Variants in YEATS2 observed in about 807,000 individuals in gnomAD.
The protein encoded by YEATS2 is YEATS domain containing 2.
In YEATS2, 77 loss-of-function variants were observed where a neutral mutation model predicts 163.2. That is an observed-to-expected ratio of 0.47 (90% confidence interval 0.39 to 0.57). The LOEUF (loss-of-function observed/expected upper bound fraction) is 0.57. YEATS2 is among the 20% of genes least tolerant of loss of function. The pLI is 0.00. For missense variants in YEATS2, 1,549 were observed against 1,729.8 expected (o/e 0.90, Z 1.85); for synonymous variants, 631 against 645.1 (o/e 0.98, Z 0.33).
At chr3:183,761,706 T>C in intron 14 of YEATS2, 92 bp downstream of exon 14, 1 of 1,196,788 alleles carries the variant, frequency 8.4e-7, no homozygotes, top group Non-Finnish European at 1.2e-6. Flanking sequence ...CATGTTACTT[T>C]TTAGTGGGTC....
chr3:183,730,434 T>C (rs995222503), intron 7 of YEATS2, among the ~76,000 whole-genome samples: 3 of 152,202 alleles, frequency 2.0e-5, no homozygotes, highest in Non-Finnish European at 4.4e-5. Flanking sequence ...TATTCTCTGC[T>C]CTGTTCAGAG....
At chr3:183,789,283 T>A (rs1320310361) in intron 20 of YEATS2, among the ~76,000 whole-genome samples, 1 of 152,142 alleles carries the variant, frequency 6.6e-6, no homozygotes, top group Non-Finnish European at 1.5e-5. Context: ...CTTTAATCCA[T>A]TTTGATTGCA....
At chr3:183,780,484 G>A (rs772000178) in intron 19 of YEATS2, among the ~76,000 whole-genome samples, 1 of 152,192 alleles carries the variant, frequency 6.6e-6, no homozygotes, top group Non-Finnish European at 1.5e-5. Context: ...TTTCGTAGTT[G>A]CTTGTCCACT....
chr3:183,761,629 G>A lies in YEATS2; in HGVS notation c.1764+15G>A. 6.2e-7 allele frequency: 1 copy of A among 1,606,548 alleles called. No individual in the cohort carries two copies. Among genetic ancestry groups the A allele is most frequent in the Non-Finnish European group, 8.5e-7 (1 of 1,173,168 alleles). On this transcript the variant is annotated intron_variant, in intron 14 of 30. Coordinates refer to ENST00000305135, the MANE Select transcript of YEATS2 (RefSeq NM_018023.5). The stretch of plus-strand genomic sequence containing the variant: ...CTTTCACAAAAGTGAGTATGTATTA[G>A]GGCATTGTCCCACAAGTCATAATAC...
At chr3:183,779,445 G>C (rs1459140417) in intron 19 of YEATS2, among the ~76,000 whole-genome samples, 1 of 152,180 alleles carries the variant, frequency 6.6e-6, no homozygotes, top group Non-Finnish European at 1.5e-5. Context: ...CAGTGCACAG[G>C]TGAGACAGTT....
At position 183,777,969 on chromosome 3, in the gene YEATS2, AGGTGCAGTGGT is replaced by A. The variant is rs1723164301; in HGVS notation, c.2736+271_2736+281del. On this transcript the variant is annotated intron_variant, in intron 19 of 30. Transcript: ENST00000305135. Reference sequence around the variant, plus strand: ...TCTACTAAAAATACAAAAATTAGCCAGGTGCAGTGGTGCGTGCCTATAGTCCCAGCTACTCG... The same window carrying A: ...TCTACTAAAAATACAAAAATTAGCCAGCGTGCCTATAGTCCCAGCTACTCG... 2.0e-5 allele frequency among the ~76,000 whole-genome samples: 3 copies of A among 152,092 alleles called. No homozygotes were observed. In the South Asian group the frequency reaches 6.2e-4, roughly 32 times the overall value.
chr3:183,791,642 G>A (rs973274857), intron 21 of YEATS2, among the ~76,000 whole-genome samples: 1 of 151,994 alleles, frequency 6.6e-6, no homozygotes, highest in East Asian at 1.9e-4. Context: ...AATCAGTGTC[G>A]AATAGAATTC....
chr3:183,767,816 AG>A (rs1722061781), intron 15 of YEATS2, among the ~76,000 whole-genome samples: 2 of 152,114 alleles, frequency 1.3e-5, no homozygotes, highest in Admixed American at 6.6e-5. Context: ...CACGCCCGGC[AG>A]GATACCAGGT....
At chr3:183,799,140 C>A in intron 23 of YEATS2, 151 bp downstream of exon 23, 1 of 675,106 alleles carries the variant, frequency 1.5e-6, no homozygotes, top group South Asian at 1.7e-5. Flanking sequence ...AGTCACTTGG[C>A]AAATATGTCC....
In YEATS2 at chr3:183,810,437, G is replaced by A. The variant is rs1384701197; in HGVS notation, c.4161-38G>A. The A allele has an allele frequency of 2.6e-6, 4 of 1,560,360 alleles. No individual in the cohort carries two copies. The East Asian group carries it at 9.0e-5, about 35-fold the overall frequency. ...AATAAATGATGAGATATACGTGAGAGAATTTCACCTGGTAACACCCTTTGT... is the reference window on the plus strand; with the variant it reads ...AATAAATGATGAGATATACGTGAGAAAATTTCACCTGGTAACACCCTTTGT... On this transcript the variant is annotated intron_variant, in intron 30 of 30. Transcript: ENST00000305135.
At chr3:183,810,449 G>T in intron 30 of YEATS2, 26 bp from the exon 31 acceptor site, 2 of 1,589,124 alleles carry the variant, frequency 1.3e-6, no homozygotes, top group Non-Finnish European at 1.7e-6. Flanking sequence ...ATTTCACCTG[G>T]TAACACCCTT....
intron 26 of YEATS2, 64 bp downstream of exon 26, chr3:183,803,399 A>ATCCC (rs1324297269): frequency 2.1e-6 from 3 of 1,408,272 alleles, no homozygotes; most frequent in Non-Finnish European, 3.0e-6. Context: ...GAACAGGGAT[A>ATCCC]AGATTGCAGC....
intron 7 of YEATS2, among the ~76,000 whole-genome samples, chr3:183,730,055 T>TG (rs376011021): frequency 0.023 from 525 of 22,944 alleles, no homozygotes; most frequent in Non-Finnish European, 0.025. Context: ...TTTGTTTGTT[T>TG]TTTTTTTTTT....
chr3:183,712,045 C>A (rs538053439), intron 1 of YEATS2, among the ~76,000 whole-genome samples: 1 of 151,768 alleles, frequency 6.6e-6, no homozygotes, highest in Admixed American at 6.6e-5. Flanking sequence ...GTCTCGAACT[C>A]CTGACCTCAT....
At chr3:183,782,866 C>G (rs2108443991) in intron 19 of YEATS2, among the ~76,000 whole-genome samples, 1 of 152,254 alleles carries the variant, frequency 6.6e-6, no homozygotes, top group South Asian at 2.1e-4. Context: ...GCAGAACAGC[C>G]TGATCATAGG....
In YEATS2 at chr3:183,769,231, A is replaced by G. The variant is rs115582475; in HGVS notation, c.1948-3074A>G. Among the ~76,000 whole-genome samples the G allele has an allele frequency of 9.3e-3, 1,419 of 152,146 alleles. 18 individuals carry two copies. Among genetic ancestry groups the G allele is most frequent in the African/African-American group, 0.032 (1,338 of 41,504 alleles). On this transcript the variant is annotated intron_variant, in intron 15 of 30. Transcript: ENST00000305135. ...ACTCATCTTAATTTATCTCCCTGGAATATTTTAAAGTAGCAGGCGGATCCC... is the reference window on the plus strand; with the variant it reads ...ACTCATCTTAATTTATCTCCCTGGAGTATTTTAAAGTAGCAGGCGGATCCC...
At chr3:183,805,962 G>A (rs575317913) in intron 27 of YEATS2, among the ~76,000 whole-genome samples, 4 of 151,980 alleles carry the variant, frequency 2.6e-5, no homozygotes, top group Admixed American at 1.3e-4. Flanking sequence ...AATGATCCCC[G>A]GGCTTCACTG....
intron 18 of YEATS2, 120 bp downstream of exon 18, chr3:183,776,243 TTATCTA>T (rs1240118116): frequency 1.1e-5 from 12 of 1,055,498 alleles, no homozygotes; most frequent in African/African-American, 1.6e-5. Flanking sequence ...CTTAACCGTG[TTATCTA>T]TATCTATATC....
intron 15 of YEATS2, among the ~76,000 whole-genome samples, chr3:183,763,912 A>C (rs1245813880): frequency 2.0e-4 from 30 of 152,088 alleles, no homozygotes. Context: ...TACTAAAAAT[A>C]CAAAAACCGA....
Sources: gnomAD v4.1 joint callset for allele counts (sites outside exome capture counted in the v4.1 genomes callset) on GRCh38, gnomAD v4.1.1 for gene constraint, MANE v1.5 for transcripts, NCBI Gene and HGNC (gene_info 2026-07-23, HGNC 2026-07-21) for gene names.